The following GPR158 variants were observed in gnomAD, a reference collection of about 807,000 sequenced individuals.
GPR158 encodes the protein metabotropic glycine receptor.
Under a neutral mutation model 78.2 loss-of-function variants are expected in GPR158, and 30 were observed. The ratio of observed to expected loss-of-function variants is 0.38; its 90% CI spans 0.29 to 0.52. The LOEUF (loss-of-function observed/expected upper bound fraction) is 0.52. GPR158 is among the 20% of genes least tolerant of loss of function. GPR158 has a pLI of 0.83. For missense variants in GPR158, 1,463 were observed against 1,523.5 expected, an observed-to-expected ratio of 0.96 and a Z score of 0.66; for synonymous variants, 581 against 591.1, an observed-to-expected ratio of 0.98 and a Z score of 0.25.
intron 2 of GPR158, among the ~76,000 whole-genome samples, chr10:25,285,022 C>A (rs1854329184): frequency 6.6e-6 from 1 of 151,158 alleles, no homozygotes; most frequent in Non-Finnish European, 1.5e-5. Flanking sequence ...AAATAAAAGG[C>A]AATTCTGTAT....
chr10:25,245,706 T>C (rs1853680862), intron 2 of GPR158, among the ~76,000 whole-genome samples: 1 of 152,218 alleles, frequency 6.6e-6, no homozygotes, highest in Non-Finnish European at 1.5e-5. Context: ...GTTTAATTAA[T>C]CTCAACATAG....
intron 2 of GPR158, among the ~76,000 whole-genome samples, chr10:25,331,721 A>G (rs1461411476): frequency 1.3e-5 from 2 of 152,320 alleles, no homozygotes; most frequent in Non-Finnish European, 2.9e-5. Flanking sequence ...CTCCAAGGTT[A>G]GAGGCTTGAG....
chr10:25,310,900 T>C (rs1263546979), intron 2 of GPR158, among the ~76,000 whole-genome samples: 1 of 152,078 alleles, frequency 6.6e-6, no homozygotes, highest in Non-Finnish European at 1.5e-5. Context: ...GTTTGAGTTA[T>C]GGATCTGATT....
chr10:25,518,277 G>T (rs1265143568), intron 5 of GPR158, among the ~76,000 whole-genome samples: 2 of 84,420 alleles, frequency 2.4e-5, no homozygotes, highest in African/African-American at 1.2e-4. Flanking sequence ...TTCTTTATTA[G>T]TCTTGCTAGC....
chr10:25,252,261 G>T (rs1006549838), intron 2 of GPR158, among the ~76,000 whole-genome samples: 100 of 151,114 alleles, frequency 6.6e-4, no homozygotes, highest in African/African-American at 2.3e-3. Flanking sequence ...TGGTTTGAAT[G>T]TCCTCCTGTA....
chr10:25,553,630 T>C (rs998574764), intron 6 of GPR158, among the ~76,000 whole-genome samples: 1 of 152,148 alleles, frequency 6.6e-6, no homozygotes, highest in Admixed American at 6.5e-5. Flanking sequence ...CCATATTATG[T>C]ATTGAGATAC....
At chr10:25,388,380 G>A (rs1487395736) in intron 2 of GPR158, among the ~76,000 whole-genome samples, 4 of 152,158 alleles carry the variant, frequency 2.6e-5, no homozygotes, top group Admixed American at 2.0e-4. Context: ...CCCTTGCATG[G>A]CCAGGCAGAA....
chr10:25,540,493 G>T (rs373448296), intron 5 of GPR158, among the ~76,000 whole-genome samples: 2 of 152,054 alleles, frequency 1.3e-5, no homozygotes, highest in Admixed American at 1.3e-4. Context: ...ACATGCATAC[G>T]TATGTTTATT....
intron 2 of GPR158, among the ~76,000 whole-genome samples, chr10:25,313,730 G>A (rs866360588): frequency 6.6e-6 from 1 of 152,098 alleles, no homozygotes; most frequent in Non-Finnish European, 1.5e-5. Flanking sequence ...ATTAGATTCA[G>A]TTTGTTAATA....
At chr10:25,580,854 T>C (rs1337826392) in intron 7 of GPR158, among the ~76,000 whole-genome samples, 2 of 152,148 alleles carry the variant, frequency 1.3e-5, no homozygotes, top group African/African-American at 2.4e-5. Context: ...CCCTCCCAAG[T>C]AGTTGTGACT....
intron 2 of GPR158, among the ~76,000 whole-genome samples, chr10:25,285,066 T>TTTTG (rs1554790542): frequency 2.7e-5 from 4 of 149,046 alleles, no homozygotes; most frequent in African/African-American, 7.4e-5. Flanking sequence ...GTTCTATTCA[T>TTTTG]TGTGTGTGTG....
At chr10:25,249,064 T>C (rs1189774821) in intron 2 of GPR158, among the ~76,000 whole-genome samples, 1 of 151,952 alleles carries the variant, frequency 6.6e-6, no homozygotes, top group Admixed American at 6.6e-5. Context: ...GGTATTTTAT[T>C]CTCTTTGAAG....
chr10:25,536,241 TTTA>T (rs1160935068), intron 5 of GPR158, among the ~76,000 whole-genome samples: 1 of 152,122 alleles, frequency 6.6e-6, no homozygotes, highest in Admixed American at 6.6e-5. Context: ...TATTAATTTC[TTTA>T]TTAAAGAAAA....
At chr10:25,292,483 G>C (rs1211362829) in intron 2 of GPR158, among the ~76,000 whole-genome samples, 2 of 151,480 alleles carry the variant, frequency 1.3e-5, no homozygotes, top group African/African-American at 4.9e-5. Context: ...TTTCATTGAT[G>C]TAGTTATGCT....
At chr10:25,593,868 T>C (rs952439043) in intron 8 of GPR158, among the ~76,000 whole-genome samples, 1 of 152,098 alleles carries the variant, frequency 6.6e-6, no homozygotes, top group East Asian at 1.9e-4. Context: ...GTCCACTTTT[T>C]CTTAATTATA....
At chr10:25,261,194 T>C (rs1853962958) in intron 2 of GPR158, among the ~76,000 whole-genome samples, 2 of 152,124 alleles carry the variant, frequency 1.3e-5, no homozygotes, top group Non-Finnish European at 2.9e-5. Flanking sequence ...CAGGATTCCA[T>C]TTTGCAGCTA....
chr10:25,411,444 T>A (rs1420050075), intron 3 of GPR158, among the ~76,000 whole-genome samples: 7 of 152,202 alleles, frequency 4.6e-5, no homozygotes, highest in East Asian at 1.9e-4. Context: ...AGATCCCTGA[T>A]GAATGAATTA....
intron 3 of GPR158, among the ~76,000 whole-genome samples, chr10:25,409,812 A>G (rs1344197982): frequency 5.3e-5 from 8 of 152,330 alleles, no homozygotes; most frequent in African/African-American, 1.9e-4. Flanking sequence ...AACAAAAAAC[A>G]AAATCGCTTT....
intron 2 of GPR158, among the ~76,000 whole-genome samples, chr10:25,390,309 A>C (rs1334201311): frequency 6.6e-6 from 1 of 152,230 alleles, no homozygotes; most frequent in Non-Finnish European, 1.5e-5. Context: ...TGGAGGGCTT[A>C]GAAGAAGACA....
Sources: allele counts gnomAD v4.1 joint callset (sites outside exome capture counted in the v4.1 genomes callset), GRCh38; gene constraint gnomAD v4.1.1; transcripts MANE v1.5; gene names NCBI Gene and HGNC (gene_info 2026-07-23, HGNC 2026-07-21).